Variants in MX1 observed in about 807,000 individuals in gnomAD.
The protein encoded by MX1 is MX dynamin like GTPase 1.
MX1 carries 66 observed loss-of-function variants against 66.4 expected under a neutral mutation model. The ratio of observed to expected loss-of-function variants is 0.99; its 90% CI spans 0.82 to 1.22. The LOEUF (loss-of-function observed/expected upper bound fraction) is 1.22. Ranked by LOEUF, MX1 falls within the 50% of genes most tolerant of loss-of-function variation. The probability of loss-of-function intolerance (pLI) is 0.00; values close to 1 mark genes in which losing one functional copy is unlikely to be tolerated. For synonymous variants in MX1, 311 were observed against 318.1 expected (o/e 0.98, Z 0.24); for missense variants, 787 against 834.3 (o/e 0.94, Z 0.70).
intron 16 of MX1, among the ~76,000 whole-genome samples, chr21:41,457,718 C>T (rs972491674): frequency 2.0e-5 from 3 of 152,172 alleles, no homozygotes; most frequent in Non-Finnish European, 4.4e-5. Context: ...GTCTATTTTG[C>T]CATCTTAACC....
rs1282145574 is a variant in MX1 at position 41,452,832 on chromosome 21, TGGA to T, written c.1726_1728del (p.Glu576del). On this transcript the variant is annotated inframe_deletion, in exon 16 of 17. Coordinates refer to ENST00000398598, the MANE Select transcript of MX1 (RefSeq NM_002462.5). ...TCCAGCTCGGCAACAGACTCTTCCA[TGGA>T]GGAGATCTTTCAGCACCTGATGGCC... The T allele has an allele frequency of 7.4e-6, 12 of 1,614,058 alleles. No homozygotes were observed. In the East Asian group the frequency reaches 8.9e-5, roughly 12 times the overall value.
chr21:41,432,930 A>T (rs547925957), intron 5 of MX1, among the ~76,000 whole-genome samples: 1 of 152,248 alleles, frequency 6.6e-6, no homozygotes, highest in Non-Finnish European at 1.5e-5. Context: ...CCTTTCCACC[A>T]CCCTGATACC....
chr21:41,428,189 A>G (rs1208070634), intron 3 of MX1: 2 of 152,264 alleles, frequency 1.3e-5, no homozygotes, highest in Non-Finnish European at 2.9e-5. Context: ...TACAGGCACG[A>G]GCCACTGCAC....
In MX1 at chr21:41,441,003, C is replaced by A; in HGVS notation, c.708C>A (p.Asp236Glu). 1.9e-6 allele frequency: 3 copies of A among 1,614,066 alleles called. No homozygotes were observed. Among genetic ancestry groups the A allele is most frequent in the African/African-American group, 1.3e-5 (1 of 75,056 alleles). ...CTCTCAGCATGGCCCAGGAGGTGGA[C>A]CCCGAGGGAGACAGGACCATCGGTG... ...TEALSMAQEV[D>E]PEGDRTIGIL... is the part of the protein sequence containing the mutation. The change falls in exon 9 of 17, where the codon GAC (aspartate) becomes GAA (glutamate). Residue 236 changes from aspartate (D) to glutamate (E), a missense_variant. Physicochemically the swap from Asp to Glu is conservative, Grantham distance 45. Transcript: ENST00000398598. The surrounding 1 kb of genome is among the most constrained non-coding windows in gnomAD (Gnocchi z 4.0).
chr21:41,443,800 G>A lies in MX1; in HGVS notation c.942G>A (p.Glu314=), dbSNP rs764607038. Residue 314 remains glutamate (E), a synonymous_variant, in exon 11 of 17, where the codon GAG becomes GAA. Transcript: ENST00000398598. ...TGTTCTCTTCTAGGGATCTGCTGGA[G>A]GAAGGAAAGGCCACGGTTCCCTGCC... The part of the protein sequence containing the change: ...ENHPYFRDLL[E]EGKATVPCLA... The A allele has an allele frequency of 5.6e-6, 9 of 1,614,104 alleles. No homozygotes were observed. Among genetic ancestry groups the A allele is most frequent in the Admixed American group, 3.3e-5 (2 of 60,008 alleles).
intron 5 of MX1, among the ~76,000 whole-genome samples, chr21:41,435,031 T>G (rs1378733460): frequency 6.6e-6 from 1 of 152,238 alleles, no homozygotes; most frequent in Non-Finnish European, 1.5e-5. Flanking sequence ...AAGTTATTTT[T>G]GCTGGGTATA....
chr21:41,441,172 T>TGAGAATGGGGGAGCCCGCCTGTACTC lies in MX1; in HGVS notation c.730+148_730+149insAGAATGGGGGAGCCCGCCTGTACTCG. 8.2e-7 allele frequency: 1 copy of TGAGAATGGGGGAGCCCGCCTGTACTC among 1,224,088 alleles called. No individual in the cohort carries two copies. Among genetic ancestry groups the TGAGAATGGGGGAGCCCGCCTGTACTC allele is most frequent in the South Asian group, 1.5e-5 (1 of 65,668 alleles). 75.8% of individuals were successfully genotyped at this position (1,224,088 alleles called of 1,614,324 possible). On this transcript the variant is annotated intron_variant, in intron 9 of 16. Coordinates refer to ENST00000398598, the MANE Select transcript of MX1 (RefSeq NM_002462.5). This position sits in a 1 kb window ranked among gnomAD's most constrained non-coding sequence, Gnocchi z 4.0. ...AATGGGGGAGCCCGCCTGTGCTCGG[T>TGAGAATGGGGGAGCCCGCCTGTACTC]GGTCTGCCAGTGGGCAAGCGTCCCT...
chr21:41,442,006 A>AGTGTGTGTGTGTGTGTGT, intron 10 of MX1, 92 bp downstream of exon 10: 6 of 909,318 alleles, frequency 6.6e-6, no homozygotes, highest in South Asian at 1.5e-5. Flanking sequence ...AGATGTGTGG[A>AGTGTGTGTGTGTGTGTGT]GTGTGTGTGT....
At chr21:41,433,035 T>C (rs538553479) in intron 5 of MX1, among the ~76,000 whole-genome samples, 1 of 152,346 alleles carries the variant, frequency 6.6e-6, no homozygotes, top group East Asian at 1.9e-4. Context: ...GGAGGAACTC[T>C]CACCCACTCA....
Position 41,451,251 on chromosome 21 carries a change from C to A in MX1, c.1509+8C>A. On this transcript the variant is annotated splice_region_variant and intron_variant, in intron 15 of 16. Coordinates refer to ENST00000398598, the MANE Select transcript of MX1 (RefSeq NM_002462.5). ...CTCCACAGAACCGCCAAGGTAAAAC[C>A]AACCATGTGTTGTTTAAAAAAAAAA... 6.4e-7 allele frequency: 1 copy of A among 1,566,334 alleles called. No individual in the cohort carries two copies. The highest frequency in any genetic ancestry group is 8.8e-7 in the Non-Finnish European group (1 of 1,141,528).
intron 16 of MX1, among the ~76,000 whole-genome samples, chr21:41,453,654 G>A (rs1308341660): frequency 2.0e-5 from 3 of 152,184 alleles, no homozygotes; most frequent in South Asian, 2.1e-4. Context: ...GTCTCAGGAG[G>A]TCCTGAGGAA....
At chr21:41,449,967 A>G (rs1170761470) in intron 14 of MX1, among the ~76,000 whole-genome samples, 1 of 152,146 alleles carries the variant, frequency 6.6e-6, no homozygotes, top group Non-Finnish European at 1.5e-5. Flanking sequence ...TCCTGAAGCT[A>G]TGTAGGGGCC....
At chr21:41,457,856 C>A (rs1222929843) in intron 16 of MX1, among the ~76,000 whole-genome samples, 1 of 152,214 alleles carries the variant, frequency 6.6e-6, no homozygotes, top group Non-Finnish European at 1.5e-5. Flanking sequence ...ATTCCCCATT[C>A]CCCGCCCCTG....
chr21:41,456,262 AAAAAC>A (rs1205977389), intron 16 of MX1, among the ~76,000 whole-genome samples: 3 of 152,186 alleles, frequency 2.0e-5, no homozygotes, highest in Non-Finnish European at 2.9e-5. Flanking sequence ...CAAACAAACA[AAAAAC>A]AAAACAAAAC....
At chr21:41,433,209 A>T (rs1458939032) in intron 5 of MX1, among the ~76,000 whole-genome samples, 1 of 152,198 alleles carries the variant, frequency 6.6e-6, no homozygotes, top group African/African-American at 2.4e-5. Context: ...AATGCAAATG[A>T]CCAGCCCCTC....
chr21:41,445,462 G>A lies in MX1; in HGVS notation c.1023G>A (p.Leu341=), dbSNP rs375918863. ...ATTTTCCTCAGAAATCTCTGCCCCT[G>A]TTAGAAAATCAAATCAAGGAGACTC... is the stretch of plus-strand genomic sequence containing the variant. The part of the protein sequence containing the change: ...LITHICKSLP[L]LENQIKETHQ... The change falls in exon 12 of 17, where the codon CTG becomes CTA. Residue 341 remains leucine (L), a synonymous_variant. Coordinates refer to ENST00000398598, the MANE Select transcript of MX1 (RefSeq NM_002462.5). 3.1e-5 allele frequency: 50 copies of A among 1,613,914 alleles called. No homozygotes were observed. In the South Asian group the frequency reaches 4.3e-4, roughly 14 times the overall value.
In MX1 at chr21:41,441,268, C is replaced by A. The variant is rs2090503860; in HGVS notation, c.730+243C>A. The A allele has an allele frequency of 5.8e-6, 3 of 516,050 alleles. No individual in the cohort carries two copies. Among genetic ancestry groups the A allele is most frequent in the Admixed American group, 7.3e-5 (2 of 27,392 alleles). 32.0% of individuals were successfully genotyped at this position (516,050 alleles called of 1,614,324 possible). A position where few individuals can be genotyped will look rare whatever the true frequency, so the allele number is the denominator to read the frequency against. ...ACCTGCTAAGGGAGCAGGTTTGGTG[C>A]CCACCAAGGCCAAGTGAAATGAGCT... On this transcript the variant is annotated intron_variant, in intron 9 of 16. Transcript: ENST00000398598. This position sits in a 1 kb window ranked among gnomAD's most constrained non-coding sequence, Gnocchi z 4.0.
At chr21:41,435,173 C>T (rs2090325232) in intron 5 of MX1, among the ~76,000 whole-genome samples, 1 of 152,222 alleles carries the variant, frequency 6.6e-6, no homozygotes, top group African/African-American at 2.4e-5. Flanking sequence ...GTATCATTCT[C>T]TGGCTGCTCC....
intron 2 of MX1, among the ~76,000 whole-genome samples, 166 bp downstream of exon 2, chr21:41,427,470 C>T (rs899710684): frequency 7.9e-5 from 12 of 152,150 alleles, no homozygotes; most frequent in African/African-American, 2.9e-4. Context: ...CACATGTATA[C>T]CTATGTAACA....
Sources: gnomAD v4.1 joint callset for allele counts (sites outside exome capture counted in the v4.1 genomes callset) on GRCh38, gnomAD v4.1.1 for gene constraint, Gnocchi (gnomAD v3.1) non-coding constraint, MANE v1.5 for transcripts, NCBI Gene and HGNC (gene_info 2026-07-23, HGNC 2026-07-21) for gene names.